ZNF416: variants seen among roughly 807,000 people sequenced by gnomAD.
The protein encoded by ZNF416 is zinc finger protein 416.
ZNF416 carries 5 observed loss-of-function variants against 10.9 expected under a neutral mutation model. The observed-to-expected ratio is 0.46, with a 90% CI of 0.24 to 0.97. The LOEUF (loss-of-function observed/expected upper bound fraction) is 0.97, where lower values mean the gene tolerates loss of function less well. Ranked by LOEUF, ZNF416 falls within the 50% of genes least tolerant of loss-of-function variation. The pLI is 0.19. For missense variants in ZNF416, 675 were observed against 715.0 expected, an observed-to-expected ratio of 0.94 and a Z score of 0.64; for synonymous variants, 267 against 251.8, an observed-to-expected ratio of 1.06 and a Z score of -0.57.
rs2090195293 is a variant in ZNF416 at position 57,571,944 on chromosome 19, GAC to G, written c.*173_*174del. On this transcript the variant is annotated 3_prime_UTR_variant, in exon 4 of 4. Coordinates refer to ENST00000196489, the MANE Select transcript of ZNF416 (RefSeq NM_017879.3). ...AGAACATGCAAAGGAGCTCCTGCAA[GAC>G]ACATATGCCTGGAACTAATGGGAGT... 1.3e-6 allele frequency: 1 copy of G among 757,740 alleles called. No homozygotes were observed. The highest frequency in any genetic ancestry group is 2.5e-5 in the East Asian group (1 of 39,498). The allele number at this position is 757,740 out of a possible 1,614,324, so 46.9% of individuals were successfully genotyped here. A position where few individuals can be genotyped will look rare whatever the true frequency, so the allele number is the denominator to read the frequency against.
intron 3 of ZNF416, 118 bp from the exon 4 acceptor site, chr19:57,573,819 T>C (rs138246697): frequency 1.4e-5 from 19 of 1,329,894 alleles, no homozygotes; most frequent in Middle Eastern, 2.7e-4. Flanking sequence ...TTTGCTGGCC[T>C]GAGCTCAGGA....
chr19:57,578,714 A>G lies in ZNF416; in HGVS notation c.-10T>C. The G allele has an allele frequency of 6.6e-7, 1 of 1,526,544 alleles. No homozygotes were observed. The allele number at this position is 1,526,544 out of a possible 1,614,324, so 94.6% of individuals were successfully genotyped here. The stretch of plus-strand genomic sequence containing the variant: ...GCACGGCCGCCGCCATCGGATTGTG[A>G]GCGGAGCGGGGCCGGGAGCGGCGGG... On this transcript the variant is annotated 5_prime_UTR_variant, in exon 1 of 4. Coordinates refer to ENST00000196489, the MANE Select transcript of ZNF416 (RefSeq NM_017879.3).
At chr19:57,577,370 G>C (rs564208224) in intron 2 of ZNF416, among the ~76,000 whole-genome samples, 1 of 152,116 alleles carries the variant, frequency 6.6e-6, no homozygotes, top group African/African-American at 2.4e-5. Context: ...TACAATCCTC[G>C]CTAGTGGAGC....
Position 57,575,079 on chromosome 19 carries a change from A to C in ZNF416, c.202+725T>G, listed in dbSNP as rs1978483239. Among the ~76,000 whole-genome samples, 1 of 152,164 alleles carries C rather than the reference A, an allele frequency of 6.6e-6. No homozygotes were observed. Among genetic ancestry groups the C allele is most frequent in the Non-Finnish European group, 1.5e-5 (1 of 68,024 alleles). ...TCAAGGAAGAGGAAGAAAACATAGA[A>C]ATGAGATGTGTCCAGTGGCATTAGC... On this transcript the variant is annotated intron_variant, in intron 3 of 3. Coordinates refer to ENST00000196489, the MANE Select transcript of ZNF416 (RefSeq NM_017879.3). This position sits in a 1 kb window ranked among gnomAD's most constrained non-coding sequence, Gnocchi z 4.4.
chr19:57,573,275 A>G lies in ZNF416; in HGVS notation c.629T>C (p.Val210Ala), dbSNP rs1460745852. Residue 210 changes from valine (V) to alanine (A), a missense_variant, in exon 4 of 4, where the codon GTT (valine) becomes GCT (alanine). Physicochemically the swap from Val to Ala is moderately conservative, Grantham distance 64. Coordinates refer to ENST00000196489, the MANE Select transcript of ZNF416 (RefSeq NM_017879.3). ...KISKCEEAFH[V>A]GISHYKWSQC... ...ACTCCACTTGTAATGACTTATTCCA[A>G]CATGAAAGGCCTCCTCACATTTGCT... The G allele has an allele frequency of 6.2e-6, 10 of 1,614,120 alleles. No homozygotes were observed. Among genetic ancestry groups the G allele is most frequent in the South Asian group, 1.1e-5 (1 of 91,092 alleles).
chr19:57,578,102 C>A lies in ZNF416; in HGVS notation c.34-4G>T. 6 of 1,614,146 alleles carry A rather than the reference C, an allele frequency of 3.7e-6. No homozygotes were observed. Among genetic ancestry groups the A allele is most frequent in the African/African-American group, 1.3e-5 (1 of 75,040 alleles). Reference sequence around the variant, plus strand: ...TAGCTTCTGCAGTCACGGGAACCTGCGGGAAGAGGAAGGCTATGAGAGGCA... The same window carrying A: ...TAGCTTCTGCAGTCACGGGAACCTGAGGGAAGAGGAAGGCTATGAGAGGCA... On this transcript the variant is annotated splice_region_variant and splice_polypyrimidine_tract_variant and intron_variant, in intron 1 of 3. Transcript: ENST00000196489.
chr19:57,578,408 A>G, intron 1 of ZNF416: 1 of 524,914 alleles, frequency 1.9e-6, no homozygotes, highest in Non-Finnish European at 3.3e-6. Context: ...CAGCGTCTTG[A>G]AAAGAAAGAG....
In ZNF416 at chr19:57,572,785, C is replaced by T. The variant is rs773780302; in HGVS notation, c.1119G>A (p.Gln373=). 1.2e-6 allele frequency: 2 copies of T among 1,614,016 alleles called. No homozygotes were observed. The highest frequency in any genetic ancestry group is 4.5e-5 in the East Asian group (2 of 44,888). Residue 373 remains glutamine (Q), a synonymous_variant, in exon 4 of 4, where the codon CAG becomes CAA. Transcript: ENST00000196489. This position sits in a 1 kb window ranked among gnomAD's most constrained non-coding sequence, Gnocchi z 4.5. Reference sequence around the variant, plus strand: ...ATGGCTTTTCTCCTGTGTGAGTTCTCTGGTGTCGAACAAGAGTGGATTTGG... The same window carrying T: ...ATGGCTTTTCTCCTGTGTGAGTTCTTTGGTGTCGAACAAGAGTGGATTTGG... ...FGSKSTLVRH[Q]RTHTGEKPYE...
Position 57,573,127 on chromosome 19 carries a change from C to G in ZNF416, c.777G>C (p.Gln259His). The stretch of plus-strand genomic sequence containing the variant: ...TTTCTCCAGGGTGGACTCTTTGCAG[C>G]TGAACAAGGGAGCACTCACAGCAGC... ...KACCCECSLV[Q>H]LQRVHPGERP... is the part of the protein sequence containing the mutation. The change falls in exon 4 of 4, where the codon CAG becomes CAC. Residue 259 changes from glutamine (Q) to histidine (H), a missense_variant. Transcript: ENST00000196489. 1 of 1,614,230 alleles carries G rather than the reference C, an allele frequency of 6.2e-7. No homozygotes were observed. The highest frequency in any genetic ancestry group is 1.1e-5 in the South Asian group (1 of 91,084).
rs750699866 is a variant in ZNF416 at position 57,573,579 on chromosome 19, A to C, written c.325T>G (p.Cys109Gly). ...STQKIQSCDM[C>G]VPFLTDILHL... ...AAAATGTCGGTCAGGAATGGGACAC[A>C]CATGTCACAGGATTGAATCTTCTGG... is the stretch of plus-strand genomic sequence containing the variant. The change falls in exon 4 of 4, where the codon TGT becomes GGT. Residue 109 changes from cysteine to glycine, a missense_variant. Coordinates refer to ENST00000196489, the MANE Select transcript of ZNF416 (RefSeq NM_017879.3). The C allele has an allele frequency of 8.1e-6, 13 of 1,614,226 alleles. No individual in the cohort carries two copies. Among genetic ancestry groups the C allele is most frequent in the Middle Eastern group, 1.6e-4 (1 of 6,062 alleles).
Position 57,572,475 on chromosome 19 carries a change from A to C in ZNF416, c.1429T>G (p.Phe477Val). The C allele has an allele frequency of 6.2e-7, 1 of 1,613,654 alleles. No individual in the cohort carries two copies. Among genetic ancestry groups the C allele is most frequent in the Non-Finnish European group, 8.5e-7 (1 of 1,179,874 alleles). ...VCGECGKAFMFKSKLVRHQRT... is the reference protein window; with the variant it reads ...VCGECGKAFMVKSKLVRHQRT... ...TGGTGCCTAACAAGTTTAGATTTGA[A>C]CATAAAAGCTTTCCCACATTCCCCA... The change falls in exon 4 of 4, where the codon TTC becomes GTC. Residue 477 changes from phenylalanine (F) to valine (V), a missense_variant. Physicochemically the swap from Phe to Val is conservative, Grantham distance 50. Coordinates refer to ENST00000196489, the MANE Select transcript of ZNF416 (RefSeq NM_017879.3). This position sits in a 1 kb window ranked among gnomAD's most constrained non-coding sequence, Gnocchi z 4.5.
At chr19:57,578,357 CAGACCATGTGCCTCGT>C in intron 1 of ZNF416, 1 of 584,654 alleles carries the variant, frequency 1.7e-6, no homozygotes, top group Non-Finnish European at 3.0e-6. Flanking sequence ...AAGTCTAACT[CAGACCATGTGCCTCGT>C]CTGTTCACAA....
At position 57,572,587 on chromosome 19, in the gene ZNF416, C is replaced by G; in HGVS notation, c.1317G>C (p.Glu439Asp). 6.2e-7 allele frequency: 1 copy of G among 1,614,084 alleles called. No individual in the cohort carries two copies. Among genetic ancestry groups the G allele is most frequent in the Non-Finnish European group, 8.5e-7 (1 of 1,180,032 alleles). ...QLIHSGARPF[E>D]CDECGKSFSQ... is the part of the protein sequence containing the mutation. ...TAAAGGATTTTCCGCACTCATCACA[C>G]TCAAAGGGCCTAGCTCCACTGTGAA... Residue 439 changes from glutamate (E) to aspartate (D), a missense_variant, in exon 4 of 4, where the codon GAG (glutamate) becomes GAC (aspartate). Coordinates refer to ENST00000196489, the MANE Select transcript of ZNF416 (RefSeq NM_017879.3). The surrounding 1 kb of genome is among the most constrained non-coding windows in gnomAD (Gnocchi z 4.5).
At position 57,572,596 on chromosome 19, in the gene ZNF416, C is replaced by A. The variant is rs1195868239; in HGVS notation, c.1308G>T (p.Arg436Ser). ...IQHQLIHSGA[R>S]PFECDECGKS... is the part of the protein sequence containing the mutation. ...TTCCGCACTCATCACACTCAAAGGGCCTAGCTCCACTGTGAATTAACTGGT... is the reference window on the plus strand; with the variant it reads ...TTCCGCACTCATCACACTCAAAGGGACTAGCTCCACTGTGAATTAACTGGT... Residue 436 changes from arginine to serine, a missense_variant, in exon 4 of 4, where the codon AGG becomes AGT. Arg to Ser is a moderately radical substitution (Grantham distance 110, BLOSUM62 -1). Coordinates refer to ENST00000196489, the MANE Select transcript of ZNF416 (RefSeq NM_017879.3). The surrounding 1 kb of genome is among the most constrained non-coding windows in gnomAD (Gnocchi z 4.5). 2.5e-6 allele frequency: 4 copies of A among 1,614,108 alleles called. No homozygotes were observed. Among genetic ancestry groups the A allele is most frequent in the Non-Finnish European group, 3.4e-6 (4 of 1,180,028 alleles).
In ZNF416 at chr19:57,573,325, A is replaced by T; in HGVS notation, c.579T>A (p.Ala193=). Residue 193 remains alanine, a synonymous_variant, in exon 4 of 4, where the codon GCT becomes GCA. Coordinates refer to ENST00000196489, the MANE Select transcript of ZNF416 (RefSeq NM_017879.3). ...PLGILQPQAI[A]NYEKPNKISK... Reference sequence around the variant, plus strand: ...TGATTTTGTTTGGCTTCTCATAGTTAGCAATAGCTTGCGGCTGAAGAATGC... The same window carrying T: ...TGATTTTGTTTGGCTTCTCATAGTTTGCAATAGCTTGCGGCTGAAGAATGC... 6.2e-7 allele frequency: 1 copy of T among 1,614,258 alleles called. No individual in the cohort carries two copies. The highest frequency in any genetic ancestry group is 8.5e-7 in the Non-Finnish European group (1 of 1,180,036).
In ZNF416 at chr19:57,578,854, C is replaced by T; in HGVS notation, c.-150G>A. On this transcript the variant is annotated 5_prime_UTR_variant, in exon 1 of 4. Transcript: ENST00000196489. ...GAGGCAGCGTTTCTAACTCAGGCGGCGTGGGCCGAGGTAGAGAACCACCAA... is the reference window on the plus strand; with the variant it reads ...GAGGCAGCGTTTCTAACTCAGGCGGTGTGGGCCGAGGTAGAGAACCACCAA... 2.7e-6 allele frequency: 2 copies of T among 747,250 alleles called. No individual in the cohort carries two copies. The highest frequency in any genetic ancestry group is 1.9e-6 in the Non-Finnish European group (1 of 518,374). 46.3% of individuals were successfully genotyped at this position (747,250 alleles called of 1,614,324 possible).
chr19:57,578,885 C>G lies in ZNF416; in HGVS notation c.-181G>C, dbSNP rs1179233572. 2.0e-6 allele frequency: 1 copy of G among 508,272 alleles called. No individual in the cohort carries two copies. The highest frequency in any genetic ancestry group is 4.3e-5 in the Admixed American group (1 of 23,422). The allele number at this position is 508,272 out of a possible 1,614,324, so 31.5% of individuals were successfully genotyped here. Reference sequence around the variant, plus strand: ...CCGAGGTAGAGAACCACCAAAATTACCATCTCGGAGCGGTGCCGGAAGTCC... The same window carrying G: ...CCGAGGTAGAGAACCACCAAAATTAGCATCTCGGAGCGGTGCCGGAAGTCC... On this transcript the variant is annotated 5_prime_UTR_variant, in exon 1 of 4. Coordinates refer to ENST00000196489, the MANE Select transcript of ZNF416 (RefSeq NM_017879.3).
intron 1 of ZNF416, 123 bp downstream of exon 1, chr19:57,578,549 G>A: frequency 4.4e-6 from 5 of 1,132,946 alleles, no homozygotes; most frequent in South Asian, 4.2e-5. Context: ...AGCCCCACCC[G>A]CGAGGGCCTC....
At position 57,572,850 on chromosome 19, in the gene ZNF416, T is replaced by G. The variant is rs1263253258; in HGVS notation, c.1054A>C (p.Arg352=). ...IEHCRIHTGE[R]PYECDECGKA... Reference sequence around the variant, plus strand: ...CCACATTCATCACACTCATAAGGCCTTTCTCCAGTGTGAATTCTGCAATGT... The same window carrying G: ...CCACATTCATCACACTCATAAGGCCGTTCTCCAGTGTGAATTCTGCAATGT... The change falls in exon 4 of 4, where the codon AGG becomes CGG. Residue 352 remains arginine (R), a synonymous_variant. Coordinates refer to ENST00000196489, the MANE Select transcript of ZNF416 (RefSeq NM_017879.3). This position sits in a 1 kb window ranked among gnomAD's most constrained non-coding sequence, Gnocchi z 4.5. The G allele has an allele frequency of 1.9e-6, 3 of 1,613,988 alleles. No homozygotes were observed. Among genetic ancestry groups the G allele is most frequent in the Non-Finnish European group, 2.5e-6 (3 of 1,179,944 alleles).
Sources: allele counts gnomAD v4.1 joint callset (sites outside exome capture counted in the v4.1 genomes callset), GRCh38; gene constraint gnomAD v4.1.1; non-coding constraint Gnocchi (gnomAD v3.1); transcripts MANE v1.5; gene names NCBI Gene and HGNC (gene_info 2026-07-23, HGNC 2026-07-21).